Variants in PGCKA1 observed in about 807,000 individuals in gnomAD.
The protein encoded by PGCKA1 is PDCD10 and GCKIII kinases-associated protein 1.
the PGCKA1 span, among the ~76,000 whole-genome samples, chr4:37,544,618 C>T: frequency 1.9e-4 from 27 of 144,974 alleles, no homozygotes; most frequent in Non-Finnish European, 3.2e-4. Flanking sequence ...GTTATTTTTG[C>T]TCTTTTGTTT....
the PGCKA1 span, among the ~76,000 whole-genome samples, chr4:37,552,347 TTG>T: frequency 6.6e-6 from 1 of 152,154 alleles, no homozygotes; most frequent in Non-Finnish European, 1.5e-5. Flanking sequence ...GGGACAGAAA[TTG>T]TGCACTTGGG....
the PGCKA1 span, among the ~76,000 whole-genome samples, chr4:37,500,404 C>G: frequency 1.3e-5 from 2 of 152,170 alleles, no homozygotes; most frequent in East Asian, 3.8e-4. Context: ...GCAGGTTATT[C>G]AGTTTCCATG....
chr4:37,545,098 C>G, the PGCKA1 span, among the ~76,000 whole-genome samples: 1 of 152,092 alleles, frequency 6.6e-6, no homozygotes, highest in African/African-American at 2.4e-5. Context: ...TCAAGTGATC[C>G]ACGCACCTTG....
At chr4:37,532,410 C>T in the PGCKA1 span, among the ~76,000 whole-genome samples, 1 of 152,160 alleles carries the variant, frequency 6.6e-6, no homozygotes, top group African/African-American at 2.4e-5. Flanking sequence ...GGGAACTATA[C>T]CTGCTCATCA....
the PGCKA1 span, among the ~76,000 whole-genome samples, chr4:37,530,801 G>GC: frequency 2.6e-5 from 4 of 151,822 alleles, no homozygotes; most frequent in Non-Finnish European, 5.9e-5. Flanking sequence ...ACGTGATGAA[G>GC]CCCCCCGTCT....
the PGCKA1 span, among the ~76,000 whole-genome samples, chr4:37,474,047 G>C: frequency 1.3e-5 from 2 of 152,216 alleles, no homozygotes; most frequent in East Asian, 3.9e-4. Flanking sequence ...GACTGGCTTG[G>C]ACATTGCTAT....
the PGCKA1 span, among the ~76,000 whole-genome samples, chr4:37,478,384 G>T: frequency 6.6e-6 from 1 of 152,068 alleles, no homozygotes; most frequent in Non-Finnish European, 1.5e-5. Flanking sequence ...ACTCTCCCAA[G>T]GCTCTTAATG....
chr4:37,539,814 T>C, the PGCKA1 span, among the ~76,000 whole-genome samples: 3 of 152,176 alleles, frequency 2.0e-5, no homozygotes, highest in African/African-American at 7.2e-5. Flanking sequence ...ATTATGAACA[T>C]TGTGTATTTT....
the PGCKA1 span, among the ~76,000 whole-genome samples, chr4:37,480,082 G>A: frequency 6.6e-6 from 1 of 152,204 alleles, no homozygotes; most frequent in Non-Finnish European, 1.5e-5. Context: ...AAAAGAGAAA[G>A]TCATCAGAAA....
chr4:37,493,655 CTTA>C, the PGCKA1 span, among the ~76,000 whole-genome samples: 2 of 152,162 alleles, frequency 1.3e-5, no homozygotes, highest in Non-Finnish European at 2.9e-5. Context: ...AATACTAGGT[CTTA>C]TTTGTTCTTT....
At chr4:37,475,387 C>A in the PGCKA1 span, among the ~76,000 whole-genome samples, 2 of 152,102 alleles carry the variant, frequency 1.3e-5, no homozygotes, top group African/African-American at 4.8e-5. Flanking sequence ...ACCCCATCAC[C>A]ATGAAGAATA....
chr4:37,540,945 C>CTT, the PGCKA1 span, among the ~76,000 whole-genome samples: 5 of 146,652 alleles, frequency 3.4e-5, no homozygotes, highest in African/African-American at 1.2e-4. Context: ...AAAAAAACCC[C>CTT]TTTTTTTTTT....
the PGCKA1 span, among the ~76,000 whole-genome samples, chr4:37,459,626 T>C: frequency 6.6e-6 from 1 of 152,082 alleles, no homozygotes; most frequent in African/African-American, 2.4e-5. Flanking sequence ...TGGGAGCTTG[T>C]TGGAAATGCA....
At chr4:37,540,475 A>T in the PGCKA1 span, among the ~76,000 whole-genome samples, 1 of 152,056 alleles carries the variant, frequency 6.6e-6, no homozygotes, top group Non-Finnish European at 1.5e-5. Flanking sequence ...AGTAACTAGG[A>T]TTTTTCTTTT....
At chr4:37,535,768 T>C in the PGCKA1 span, among the ~76,000 whole-genome samples, 3 of 152,286 alleles carry the variant, frequency 2.0e-5, no homozygotes, top group African/African-American at 7.2e-5. Context: ...ACATCCTCAG[T>C]GTGAGCGATG....
At chr4:37,520,300 G>C in the PGCKA1 span, among the ~76,000 whole-genome samples, 1 of 152,112 alleles carries the variant, frequency 6.6e-6, no homozygotes, top group Non-Finnish European at 1.5e-5. Flanking sequence ...ATTCCCTTCT[G>C]TATTTTTTGG....
chr4:37,583,563 A>T, the PGCKA1 span, among the ~76,000 whole-genome samples: 1 of 151,738 alleles, frequency 6.6e-6, no homozygotes, highest in East Asian at 1.9e-4. Flanking sequence ...CAGCCTCCCG[A>T]GTAGCTGGGA....
At chr4:37,566,584 C>A in the PGCKA1 span, among the ~76,000 whole-genome samples, 1 of 150,012 alleles carries the variant, frequency 6.7e-6, no homozygotes, top group Non-Finnish European at 1.5e-5. Flanking sequence ...GTTTCTGAGG[C>A]TTTTTATTTT....
the PGCKA1 span, among the ~76,000 whole-genome samples, chr4:37,467,196 G>C: frequency 0.42 from 63,333 of 152,054 alleles, 14,023 homozygotes; most frequent in Non-Finnish European, 0.49. Flanking sequence ...TCAGGATATA[G>C]TCTTAAGTTT....
Sources: gnomAD v4.1 joint callset for allele counts (sites outside exome capture counted in the v4.1 genomes callset) on GRCh38, gnomAD v4.1.1 for gene constraint, MANE v1.5 for transcripts, NCBI Gene and HGNC (gene_info 2026-07-23, HGNC 2026-07-21) for gene names.